TRAPPC9: variants seen among roughly 807,000 people sequenced by gnomAD.
TRAPPC9 encodes IKK2 binding protein.
TRAPPC9 carries 83 observed loss-of-function variants against 124.0 expected under a neutral mutation model. The ratio of observed to expected loss-of-function variants is 0.67; its 90% CI spans 0.56 to 0.80. The LOEUF is 0.80. TRAPPC9 is among the 30% of genes least tolerant of loss of function. The probability of loss-of-function intolerance (pLI) is 0.00; values close to 1 mark genes in which losing one functional copy is unlikely to be tolerated. For missense variants in TRAPPC9, 1,302 were observed against 1,508.3 expected (o/e 0.86, Z 2.27); for synonymous variants, 638 against 617.5 (o/e 1.03, Z -0.49).
intron 16 of TRAPPC9, among the ~76,000 whole-genome samples, chr8:140,227,335 T>C (rs972972250): frequency 1.3e-5 from 2 of 151,944 alleles, no homozygotes; most frequent in East Asian, 1.9e-4. Context: ...AGAGAACAGA[T>C]TGGGATGACA....
chr8:140,279,683 C>A (rs544130152), intron 14 of TRAPPC9, among the ~76,000 whole-genome samples: 1 of 152,114 alleles, frequency 6.6e-6, no homozygotes, highest in African/African-American at 2.4e-5. Flanking sequence ...AGCATGCACG[C>A]ACCCCCGTCA....
At chr8:140,099,220 G>GCGCAGCTGCAGGAGTGC in intron 17 of TRAPPC9, 2 of 151,504 alleles carry the variant, frequency 1.3e-5, no homozygotes, top group South Asian at 4.2e-4. Flanking sequence ...CTAGGTCTCT[G>GCGCAGCTGCAGGAGTGC]CGCAGCTGCA....
chr8:139,928,047 A>G (rs1832912979), intron 19 of TRAPPC9, among the ~76,000 whole-genome samples: 2 of 152,216 alleles, frequency 1.3e-5, no homozygotes, highest in South Asian at 4.1e-4. Context: ...ATCAAAGCTG[A>G]TCAAATTATA....
At chr8:139,938,859 A>T (rs1248555617) in intron 19 of TRAPPC9, among the ~76,000 whole-genome samples, 2 of 151,098 alleles carry the variant, frequency 1.3e-5, no homozygotes, top group Non-Finnish European at 2.9e-5. Context: ...GCTAGCCAGG[A>T]TGGTCTCGAT....
rs189587430 is a variant in TRAPPC9, at chr8:139,787,310, G to C, written c.3056-55108C>G. ...TCTTGTAGCCTGAGCGGGGAGGGGT[G>C]GGGGGCAGATGTGGCTGGACCCACT... On this transcript the variant is annotated intron_variant, in intron 21 of 22. Transcript: ENST00000438773. Among the ~76,000 whole-genome samples, 784 of 152,186 alleles carry C rather than the reference G, an allele frequency of 5.2e-3. 10 individuals are homozygous for C. Among genetic ancestry groups the C allele is most frequent in the African/African-American group, 0.018 (764 of 41,508 alleles).
intron 20 of TRAPPC9, among the ~76,000 whole-genome samples, chr8:139,895,366 T>C (rs967380051): frequency 7.9e-5 from 12 of 152,178 alleles, no homozygotes; most frequent in African/African-American, 2.9e-4. Flanking sequence ...GCAAAATGTA[T>C]ACATACCTTT....
In TRAPPC9 at chr8:139,730,701, T is replaced by G; in HGVS notation, c.*360A>C. 3.7e-6 allele frequency: 1 copy of G among 272,862 alleles called. No individual in the cohort carries two copies. Among genetic ancestry groups the G allele is most frequent in the Non-Finnish European group, 7.0e-6 (1 of 142,556 alleles). The allele number at this position is 272,862 out of a possible 1,614,324, so 16.9% of individuals were successfully genotyped here. A position where few individuals can be genotyped will look rare whatever the true frequency, so the allele number is the denominator to read the frequency against. ...AAGGGAAGTCGCTGGACGAGGGAGG[T>G]CCCTCTGCTGGGATGAGCAGCACAG... is the stretch of plus-strand genomic sequence containing the variant. On this transcript the variant is annotated 3_prime_UTR_variant, in exon 23 of 23. Coordinates refer to ENST00000438773, the MANE Select transcript of TRAPPC9 (RefSeq NM_001160372.4).
In TRAPPC9 at chr8:140,241,793, T is replaced by C. The variant is rs2063861596; in HGVS notation, c.2431+10984A>G. Among the ~76,000 whole-genome samples, 1 of 152,244 alleles carries C rather than the reference T, an allele frequency of 6.6e-6. No homozygotes were observed. Among genetic ancestry groups the C allele is most frequent in the African/African-American group, 2.4e-5 (1 of 41,470 alleles). On this transcript the variant is annotated intron_variant, in intron 16 of 22. Coordinates refer to ENST00000438773, the MANE Select transcript of TRAPPC9 (RefSeq NM_001160372.4). This position sits in a 1 kb window ranked among gnomAD's most constrained non-coding sequence, Gnocchi z 5.0. Reference sequence around the variant, plus strand: ...CACAGCCAGACAGCTCTCCCGTCTCTGAACTCAGGGTGTGGAACACTCGGC... The same window carrying C: ...CACAGCCAGACAGCTCTCCCGTCTCCGAACTCAGGGTGTGGAACACTCGGC...
rs558817640 is a variant in TRAPPC9, at chr8:140,179,335, G to A, written c.2556+42124C>T. ...CCTGTGATTTCTTCTTGGAGCCCACGGGTTATTTAGAAATGTGTTGCTTAA... is the reference window on the plus strand; with the variant it reads ...CCTGTGATTTCTTCTTGGAGCCCACAGGTTATTTAGAAATGTGTTGCTTAA... On this transcript the variant is annotated intron_variant, in intron 17 of 22. Transcript: ENST00000438773. Among the ~76,000 whole-genome samples, 22 of 152,124 alleles carry A rather than the reference G, an allele frequency of 1.4e-4. No homozygotes were observed. In the East Asian group the frequency reaches 3.3e-3, roughly 23 times the overall value.
chr8:140,171,636 C>A (rs1043756979), intron 17 of TRAPPC9, among the ~76,000 whole-genome samples: 2 of 152,178 alleles, frequency 1.3e-5, no homozygotes, highest in African/African-American at 4.8e-5. Context: ...CTCTGCCATG[C>A]AGCTTCTTCC....
intron 19 of TRAPPC9, among the ~76,000 whole-genome samples, chr8:139,980,429 A>G (rs911766317): frequency 6.6e-6 from 1 of 152,150 alleles, no homozygotes. Context: ...CACCTCCACA[A>G]GAAGGAAACA....
intron 7 of TRAPPC9, among the ~76,000 whole-genome samples, chr8:140,373,110 C>G (rs1373007265): frequency 2.0e-5 from 3 of 152,220 alleles, no homozygotes; most frequent in African/African-American, 7.2e-5. Flanking sequence ...AACCCCTACT[C>G]TGGTGCCAGC....
intron 4 of TRAPPC9, among the ~76,000 whole-genome samples, chr8:140,433,354 C>T (rs1044641111): frequency 2.6e-5 from 4 of 152,018 alleles, no homozygotes; most frequent in African/African-American, 7.3e-5. Context: ...TTTGGGAGGC[C>T]GAGGCAGGCA....
At chr8:140,186,554 C>A (rs59939474) in intron 17 of TRAPPC9, among the ~76,000 whole-genome samples, 1 of 151,442 alleles carries the variant, frequency 6.6e-6, no homozygotes, top group Non-Finnish European at 1.5e-5. Context: ...GGCGACAGAG[C>A]GAGAGTCTGT....
intron 21 of TRAPPC9, among the ~76,000 whole-genome samples, chr8:139,872,088 TTGGATGAGTGGA>T (rs1828941603): frequency 7.0e-6 from 1 of 141,948 alleles, no homozygotes; most frequent in Non-Finnish European, 1.5e-5. Flanking sequence ...GGGTAAATGG[TTGGATGAGTGGA>T]TGGATGGATG....
intron 17 of TRAPPC9, among the ~76,000 whole-genome samples, chr8:140,209,094 T>C (rs956674786): frequency 6.6e-6 from 1 of 152,186 alleles, no homozygotes; most frequent in South Asian, 2.1e-4. Context: ...ATCACTGACA[T>C]AGGCCCTGAA....
intron 16 of TRAPPC9, among the ~76,000 whole-genome samples, chr8:140,231,491 T>C (rs957274794): frequency 2.4e-5 from 3 of 123,598 alleles, no homozygotes; most frequent in Non-Finnish European, 3.4e-5. Context: ...CTTTTTTTTT[T>C]TTTTTTTTTT....
intron 17 of TRAPPC9, among the ~76,000 whole-genome samples, chr8:140,208,804 A>G (rs1291751442): frequency 6.6e-6 from 1 of 152,204 alleles, no homozygotes; most frequent in Non-Finnish European, 1.5e-5. Context: ...CATGGGTCTG[A>G]GTTGAGCAGG....
chr8:140,056,458 G>T (rs1294066326), intron 17 of TRAPPC9, among the ~76,000 whole-genome samples: 1 of 151,612 alleles, frequency 6.6e-6, no homozygotes, highest in Non-Finnish European at 1.5e-5. Context: ...GCATGGTACT[G>T]ACTGACAGAC....
Sources: gnomAD v4.1 joint callset for allele counts (sites outside exome capture counted in the v4.1 genomes callset) on GRCh38, gnomAD v4.1.1 for gene constraint, Gnocchi (gnomAD v3.1) non-coding constraint, MANE v1.5 for transcripts, NCBI Gene and HGNC (gene_info 2026-07-23, HGNC 2026-07-21) for gene names.